PTPRD: variants seen among roughly 807,000 people sequenced by gnomAD.
The protein encoded by PTPRD is receptor-type tyrosine-protein phosphatase delta.
Under a neutral mutation model 214.5 loss-of-function variants are expected in PTPRD, and 34 were observed. The observed-to-expected ratio is 0.16, with a 90% CI of 0.12 to 0.21. The LOEUF (loss-of-function observed/expected upper bound fraction) is 0.21. Among genes scored for constraint, PTPRD ranks in the 10% least tolerant of loss-of-function variants. The pLI, the probability that PTPRD is intolerant of heterozygous loss-of-function variation, is 1.00. For missense variants in PTPRD, 2,545 were observed against 2,398.7 expected (o/e 1.06, Z -1.27); for synonymous variants, 1,128 against 845.7 (o/e 1.33, Z -5.79).
intron 11 of PTPRD, among the ~76,000 whole-genome samples, chr9:8,923,640 G>A (rs1460329808): frequency 6.6e-6 from 1 of 152,132 alleles, no homozygotes; most frequent in Non-Finnish European, 1.5e-5. Flanking sequence ...GTTACTCAGA[G>A]CCCTTTAAAT....
At chr9:10,089,088 T>C (rs1348445088) in intron 3 of PTPRD, among the ~76,000 whole-genome samples, 1 of 151,528 alleles carries the variant, frequency 6.6e-6, no homozygotes, top group Admixed American at 6.6e-5. Flanking sequence ...GCCCATGTAG[T>C]CCCAGCTACT....
At chr9:8,544,831 T>C (rs771589530) in intron 14 of PTPRD, among the ~76,000 whole-genome samples, 2 of 151,740 alleles carry the variant, frequency 1.3e-5, no homozygotes, top group Admixed American at 1.3e-4. Context: ...ATAAGTTGCA[T>C]GATTTCTCAC....
At chr9:8,801,858 A>G (rs2096578521) in intron 11 of PTPRD, among the ~76,000 whole-genome samples, 1 of 152,204 alleles carries the variant, frequency 6.6e-6, no homozygotes, top group Non-Finnish European at 1.5e-5. Context: ...TAATGGTATT[A>G]CCACAGTTAT....
chr9:9,620,406 G>A (rs759847953), intron 7 of PTPRD, among the ~76,000 whole-genome samples: 1 of 152,044 alleles, frequency 6.6e-6, no homozygotes, highest in Non-Finnish European at 1.5e-5. Context: ...TCCTCAGCTG[G>A]TATCTTGGGA....
chr9:8,930,215 G>A (rs1019131870), intron 11 of PTPRD, among the ~76,000 whole-genome samples: 3 of 151,288 alleles, frequency 2.0e-5, no homozygotes, highest in Admixed American at 6.6e-5. Flanking sequence ...GTGGTGTTTG[G>A]TTTTTTTGTC....
chr9:8,713,663 G>A lies in PTPRD; in HGVS notation c.64+20117C>T, dbSNP rs899513247. ...TACCGAGACATGGGCGCCCGGCACC[G>A]CGCCCGGGCCCACTCCATTCAGATC... On this transcript the variant is annotated intron_variant, in intron 12 of 45. Transcript: ENST00000381196. The A allele has an allele frequency of 8.6e-6, 13 of 1,512,908 alleles. No homozygotes were observed. The African/African-American group carries it at 1.4e-4, about 16-fold the overall frequency. The allele number at this position is 1,512,908 out of a possible 1,614,324, so 93.7% of individuals were successfully genotyped here. A position where few individuals can be genotyped will look rare whatever the true frequency, so the allele number is the denominator to read the frequency against.
intron 11 of PTPRD, among the ~76,000 whole-genome samples, chr9:8,888,664 G>A (rs1385729894): frequency 6.6e-6 from 1 of 152,236 alleles, no homozygotes; most frequent in African/African-American, 2.4e-5. Context: ...GCTTCTAACT[G>A]TGGTGCTTCA....
intron 7 of PTPRD, among the ~76,000 whole-genome samples, chr9:9,597,302 G>A (rs677243): frequency 2.0e-5 from 3 of 151,848 alleles, no homozygotes; most frequent in African/African-American, 7.2e-5. Flanking sequence ...AGTTAACAAT[G>A]TTCATAGCTA....
intron 2 of PTPRD, among the ~76,000 whole-genome samples, chr9:10,496,384 A>G (rs1429917422): frequency 1.3e-5 from 2 of 151,840 alleles, no homozygotes; most frequent in Non-Finnish European, 2.9e-5. Context: ...AAACAGGAAC[A>G]AATGTATTAA....
At chr9:10,066,404 C>T (rs1208130627) in intron 3 of PTPRD, among the ~76,000 whole-genome samples, 3 of 151,784 alleles carry the variant, frequency 2.0e-5, no homozygotes, top group Non-Finnish European at 2.9e-5. Flanking sequence ...AACCACTTCA[C>T]TAATTGAAGC....
In PTPRD at chr9:8,894,253, G is replaced by A. The variant is rs557830285; in HGVS notation, c.-104+124444C>T. 5.3e-5 allele frequency among the ~76,000 whole-genome samples: 8 copies of A among 150,678 alleles called. No individual in the cohort carries two copies. In the South Asian group the frequency reaches 1.7e-3, roughly 32 times the overall value. ...GCCTGTAATCCCAGCTACTCAGGAG[G>A]CTGAGGCAGGATTATTGCTTGAACC... On this transcript the variant is annotated intron_variant, in intron 11 of 45. Coordinates refer to ENST00000381196, the MANE Select transcript of PTPRD (RefSeq NM_002839.4).
At chr9:8,331,533 G>A (rs1185323392) in intron 44 of PTPRD, 49 bp downstream of exon 44, 7 of 1,489,298 alleles carry the variant, frequency 4.7e-6, no homozygotes, top group Non-Finnish European at 6.3e-6. Flanking sequence ...TACAGACAAT[G>A]AAGAAACACC....
At chr9:9,356,032 T>C (rs532645628) in intron 9 of PTPRD, among the ~76,000 whole-genome samples, 1 of 151,482 alleles carries the variant, frequency 6.6e-6, no homozygotes, top group East Asian at 2.0e-4. Flanking sequence ...ATTGGTGACA[T>C]TGACAAGTTT....
In PTPRD at chr9:8,418,218, C is replaced by T. The variant is rs888102236; in HGVS notation, c.4087-13558G>A. ...TCTTGCTTGGAGAGCACTTTCTTAT[C>T]CTTTTCTTTTTTTTTTGCTTCTAAA... is the stretch of plus-strand genomic sequence containing the variant. On this transcript the variant is annotated intron_variant, in intron 35 of 45. Coordinates refer to ENST00000381196, the MANE Select transcript of PTPRD (RefSeq NM_002839.4). Among the ~76,000 whole-genome samples the T allele has an allele frequency of 4.7e-5, 7 of 148,466 alleles. 1 individual carries two copies. The East Asian group carries it at 1.4e-3, about 29-fold the overall frequency.
chr9:10,011,101 C>T (rs1349902127), intron 4 of PTPRD, among the ~76,000 whole-genome samples: 1 of 151,796 alleles, frequency 6.6e-6, no homozygotes, highest in Non-Finnish European at 1.5e-5. Flanking sequence ...CTCCACAATC[C>T]CTTCACCACA....
At chr9:9,791,727 T>G (rs2098968765) in intron 5 of PTPRD, among the ~76,000 whole-genome samples, 1 of 152,160 alleles carries the variant, frequency 6.6e-6, no homozygotes, top group Non-Finnish European at 1.5e-5. Flanking sequence ...TCCTTTTAAT[T>G]ATGTTTCCTA....
intron 11 of PTPRD, among the ~76,000 whole-genome samples, chr9:8,748,543 AAAAG>A (rs1282121903): frequency 7.7e-4 from 115 of 149,846 alleles, no homozygotes; most frequent in African/African-American, 2.6e-3. Flanking sequence ...AAAAAAAAGA[AAAAG>A]AAAAAGAAAA....
At chr9:9,201,111 A>G (rs1361441944) in intron 9 of PTPRD, among the ~76,000 whole-genome samples, 3 of 152,178 alleles carry the variant, frequency 2.0e-5, no homozygotes, top group African/African-American at 7.2e-5. Flanking sequence ...GGTTTATTTG[A>G]CTACAAACAC....
intron 10 of PTPRD, among the ~76,000 whole-genome samples, chr9:9,160,218 G>A (rs2099885313): frequency 6.6e-6 from 1 of 152,074 alleles, no homozygotes; most frequent in South Asian, 2.1e-4. Flanking sequence ...AAATGCTTCT[G>A]CATAGCAAAG....
Sources: gnomAD v4.1 joint callset for allele counts (sites outside exome capture counted in the v4.1 genomes callset) on GRCh38, gnomAD v4.1.1 for gene constraint, MANE v1.5 for transcripts, NCBI Gene and HGNC (gene_info 2026-07-23, HGNC 2026-07-21) for gene names.